The following CHST11 variants were observed in gnomAD, a reference collection of about 807,000 sequenced individuals.
CHST11 encodes the protein carbohydrate sulfotransferase 11.
Under a neutral mutation model 30.4 loss-of-function variants are expected in CHST11, and 9 were observed. That is an observed-to-expected ratio of 0.30 (90% CI 0.18 to 0.52). CHST11 has a LOEUF of 0.52. CHST11 is among the 20% of genes least tolerant of loss of function. CHST11 has a pLI of 0.97. For synonymous variants in CHST11, 152 were observed against 187.8 expected (o/e 0.81, Z 1.56); for missense variants, 348 against 460.6 (o/e 0.76, Z 2.24).
intron 1 of CHST11, chr12:104,513,904 T>G: frequency 2.2e-6 from 1 of 461,062 alleles, no homozygotes; most frequent in East Asian, 4.6e-5. Flanking sequence ...ACTGTCTGAG[T>G]CTGTTTGTGT....
chr12:104,644,176 C>G (rs983976333), intron 2 of CHST11, among the ~76,000 whole-genome samples: 3 of 152,182 alleles, frequency 2.0e-5, no homozygotes, highest in African/African-American at 7.2e-5. Flanking sequence ...TGGGAAATCT[C>G]TGCCGCAGCC....
At chr12:104,491,664 G>A (rs1005586757) in intron 1 of CHST11, among the ~76,000 whole-genome samples, 1 of 151,944 alleles carries the variant, frequency 6.6e-6, no homozygotes, top group Non-Finnish European at 1.5e-5. Context: ...TTTCAATAGA[G>A]ACAGTGTCTT....
chr12:104,468,489 C>T (rs1237292746), intron 1 of CHST11, among the ~76,000 whole-genome samples: 2 of 152,134 alleles, frequency 1.3e-5, no homozygotes, highest in African/African-American at 2.4e-5. Flanking sequence ...ACTTCATATC[C>T]GCTGCTCTGA....
rs12578959 is a variant in CHST11, at chr12:104,500,363, G to A, written c.118+42834G>A. ...TTAGATTTATTAGTCCCAGCTTGGC[G>A]ATGAGTGGCACAGAGAATTTTAAAT... On this transcript the variant is annotated intron_variant, in intron 1 of 2. Coordinates refer to ENST00000303694, the MANE Select transcript of CHST11 (RefSeq NM_018413.6). 9.9e-3 allele frequency among the ~76,000 whole-genome samples: 1,502 copies of A among 152,128 alleles called. 40 individuals are homozygous for A. The East Asian group carries it at 0.12, about 12-fold the overall frequency.
chr12:104,525,227 G>T (rs1216470105), intron 1 of CHST11, among the ~76,000 whole-genome samples: 1 of 151,714 alleles, frequency 6.6e-6, no homozygotes, highest in Non-Finnish European at 1.5e-5. Context: ...GTGGCCTCAA[G>T]CAGTCCTCCT....
chr12:104,602,138 C>T (rs765531876), intron 2 of CHST11, 147 bp downstream of exon 2: 9 of 628,548 alleles, frequency 1.4e-5, no homozygotes, highest in Non-Finnish European at 2.5e-5. Context: ...TCTCCGTCAC[C>T]CTTTTTCTAT....
At chr12:104,741,470 C>T (rs114189438) in intron 2 of CHST11, among the ~76,000 whole-genome samples, 380 of 152,324 alleles carry the variant, frequency 2.5e-3, no homozygotes, top group African/African-American at 8.8e-3. Context: ...TGCTGCTTGA[C>T]TAAGAAATAA....
Position 104,637,315 on chromosome 12 carries a change from A to ACTC in CHST11, c.204+35324_204+35325insCTC, listed in dbSNP as rs1366381539. Among the ~76,000 whole-genome samples the ACTC allele has an allele frequency of 7.1e-3, 439 of 61,512 alleles. 43 individuals carry two copies. Among genetic ancestry groups the ACTC allele is most frequent in the African/African-American group, 0.026 (361 of 13,862 alleles). The allele number at this position is 61,512 out of a possible 152,430, so 40.4% of individuals were successfully genotyped here. A position where few individuals can be genotyped will look rare whatever the true frequency, so the allele number is the denominator to read the frequency against. On this transcript the variant is annotated intron_variant, in intron 2 of 2. Coordinates refer to ENST00000303694, the MANE Select transcript of CHST11 (RefSeq NM_018413.6). ...AGTGAGACCCTGTAAAAAAAAAAAA[A>ACTC]AAAAAAAAAAAAAAAAAAAAGGGGG...
chr12:104,754,848 A>T (rs1174386277), intron 2 of CHST11, among the ~76,000 whole-genome samples: 1 of 152,178 alleles, frequency 6.6e-6, no homozygotes, highest in Admixed American at 6.5e-5. Context: ...GGGTATAAAA[A>T]TTTTTAGTGG....
intron 2 of CHST11, among the ~76,000 whole-genome samples, chr12:104,640,326 A>G (rs1016592152): frequency 2.0e-5 from 3 of 152,222 alleles, no homozygotes; most frequent in Non-Finnish European, 4.4e-5. Context: ...GGAAGCTACC[A>G]TGATACCCTT....
intron 2 of CHST11, among the ~76,000 whole-genome samples, chr12:104,630,557 C>T (rs1397369674): frequency 6.6e-6 from 1 of 152,148 alleles, no homozygotes. Context: ...AAAGAAGACA[C>T]CAGAGAATAT....
chr12:104,678,021 C>G (rs774115695), intron 2 of CHST11, among the ~76,000 whole-genome samples: 20 of 152,336 alleles, frequency 1.3e-4, no homozygotes, highest in Non-Finnish European at 2.5e-4. Flanking sequence ...CTTTGAGAGG[C>G]CTTCTCCAAC....
chr12:104,457,912 A>G (rs2037370301), intron 1 of CHST11, among the ~76,000 whole-genome samples: 1 of 151,530 alleles, frequency 6.6e-6, no homozygotes, highest in African/African-American at 2.4e-5. Context: ...GAGGAGAACG[A>G]AACTCCCTCC....
intron 2 of CHST11, among the ~76,000 whole-genome samples, chr12:104,687,944 T>C (rs886120928): frequency 1.3e-5 from 2 of 152,226 alleles, no homozygotes; most frequent in South Asian, 2.1e-4. Flanking sequence ...GCGGTTGTTA[T>C]TCTGTGTTTC....
chr12:104,498,604 A>T (rs796353172), intron 1 of CHST11, among the ~76,000 whole-genome samples: 4 of 152,276 alleles, frequency 2.6e-5, no homozygotes, highest in African/African-American at 9.6e-5. Flanking sequence ...GCCTTCAAAG[A>T]TGCTTTTATT....
intron 1 of CHST11, among the ~76,000 whole-genome samples, chr12:104,478,311 G>A (rs2037584654): frequency 6.6e-6 from 1 of 152,044 alleles, no homozygotes; most frequent in Non-Finnish European, 1.5e-5. Context: ...TTAAAAAAAT[G>A]ATTTCCACTA....
At chr12:104,672,551 G>T (rs940589988) in intron 2 of CHST11, among the ~76,000 whole-genome samples, 1 of 152,242 alleles carries the variant, frequency 6.6e-6, no homozygotes, top group Non-Finnish European at 1.5e-5. Flanking sequence ...CTGGAAGCTG[G>T]CCTGGCCCTG....
At chr12:104,655,276 C>A (rs997662962) in intron 2 of CHST11, among the ~76,000 whole-genome samples, 1 of 152,224 alleles carries the variant, frequency 6.6e-6, no homozygotes, top group African/African-American at 2.4e-5. Context: ...ACCTTCGCGC[C>A]GGAGGCGCGG....
intron 2 of CHST11, among the ~76,000 whole-genome samples, chr12:104,669,632 A>C (rs559725265): frequency 1.3e-5 from 2 of 152,326 alleles, no homozygotes; most frequent in Admixed American, 1.3e-4. Flanking sequence ...CATGCGCAGT[A>C]AACGAGGTCA....
Sources: gnomAD v4.1 joint callset for allele counts (sites outside exome capture counted in the v4.1 genomes callset) on GRCh38, gnomAD v4.1.1 for gene constraint, MANE v1.5 for transcripts, NCBI Gene and HGNC (gene_info 2026-07-23, HGNC 2026-07-21) for gene names.